Variants in MGLL observed in about 807,000 individuals in gnomAD.
The protein encoded by MGLL is monoglyceride lipase.
MGLL carries 7 observed loss-of-function variants against 29.1 expected under a neutral mutation model. That is an observed-to-expected ratio of 0.24 (90% confidence interval 0.14 to 0.45). The LOEUF (loss-of-function observed/expected upper bound fraction) is 0.45, where lower values mean the gene tolerates loss of function less well. Ranked by LOEUF, MGLL falls within the 20% of genes least tolerant of loss-of-function variation. The probability of loss-of-function intolerance (pLI) is 0.99; values close to 1 mark genes in which losing one functional copy is unlikely to be tolerated. For missense variants in MGLL, 356 were observed against 413.6 expected (o/e 0.86, Z 1.21); for synonymous variants, 148 against 168.3 (o/e 0.88, Z 0.93).
chr3:127,776,415 C>G (rs1418980115), intron 3 of MGLL, among the ~76,000 whole-genome samples: 1 of 152,122 alleles, frequency 6.6e-6, no homozygotes, highest in Admixed American at 6.5e-5. Flanking sequence ...TTTGACTCCC[C>G]AGTAATCCTG....
chr3:127,763,578 G>T (rs947829402), intron 3 of MGLL, among the ~76,000 whole-genome samples: 2 of 152,214 alleles, frequency 1.3e-5, no homozygotes, highest in African/African-American at 4.8e-5. Context: ...CAAGCAACCT[G>T]GGTGGGGACA....
intron 2 of MGLL, among the ~76,000 whole-genome samples, chr3:127,789,326 G>C (rs2077264283): frequency 6.6e-6 from 1 of 152,226 alleles, no homozygotes; most frequent in Admixed American, 6.5e-5. Flanking sequence ...CCCATCTACG[G>C]CTGGAAGGAA....
chr3:127,722,378 C>T (rs1351403043), intron 4 of MGLL, 52 bp downstream of exon 4: 3 of 1,612,842 alleles, frequency 1.9e-6, no homozygotes, highest in African/African-American at 1.3e-5. Flanking sequence ...CTTCCCCCTG[C>T]AAGGCTGGAA....
At chr3:127,770,197 A>T (rs2076926237) in intron 3 of MGLL, among the ~76,000 whole-genome samples, 1 of 151,788 alleles carries the variant, frequency 6.6e-6, no homozygotes, top group African/African-American at 2.4e-5. Flanking sequence ...TTTTTGTATT[A>T]TTTTTGTAGA....
chr3:127,772,953 G>T (rs2076973777), intron 3 of MGLL, among the ~76,000 whole-genome samples: 1 of 152,170 alleles, frequency 6.6e-6, no homozygotes, highest in South Asian at 2.1e-4. Context: ...CTTGACCTTG[G>T]ACTTCCCAGC....
intron 3 of MGLL, among the ~76,000 whole-genome samples, chr3:127,776,377 G>A (rs1576273990): frequency 6.6e-6 from 1 of 152,084 alleles, no homozygotes; most frequent in East Asian, 1.9e-4. Context: ...TGAGGGGTGG[G>A]GGAGGGGGAG....
intron 3 of MGLL, among the ~76,000 whole-genome samples, chr3:127,778,076 C>T (rs967523263): frequency 4.6e-5 from 7 of 152,290 alleles, no homozygotes; most frequent in Middle Eastern, 3.4e-3. Context: ...ACAACCGCGG[C>T]GCCTAGAGGT....
intron 2 of MGLL, among the ~76,000 whole-genome samples, chr3:127,798,734 C>T (rs928477155): frequency 6.6e-6 from 1 of 152,214 alleles, no homozygotes; most frequent in Non-Finnish European, 1.5e-5. Flanking sequence ...TACATCATCT[C>T]CCCGCACCTT....
chr3:127,768,619 C>T (rs1402047914), intron 3 of MGLL, among the ~76,000 whole-genome samples: 1 of 152,198 alleles, frequency 6.6e-6, no homozygotes, highest in African/African-American at 2.4e-5. Flanking sequence ...GAGTATTTCC[C>T]AAGAGTTCCA....
chr3:127,702,238 TG>T (rs1419044874), intron 6 of MGLL, among the ~76,000 whole-genome samples: 2 of 152,234 alleles, frequency 1.3e-5, no homozygotes, highest in African/African-American at 4.8e-5. Flanking sequence ...GGGCAACTCA[TG>T]GGGTGTCACA....
chr3:127,696,345 T>G (rs2075362291), intron 6 of MGLL, among the ~76,000 whole-genome samples: 2 of 150,448 alleles, frequency 1.3e-5, no homozygotes, highest in Admixed American at 6.6e-5. Context: ...GGGGAGAAGT[T>G]TCTAGGAATC....
At chr3:127,764,018 C>T (rs1385916706) in intron 3 of MGLL, among the ~76,000 whole-genome samples, 5 of 152,204 alleles carry the variant, frequency 3.3e-5, no homozygotes, top group African/African-American at 4.8e-5. Flanking sequence ...TCCAGCTTCT[C>T]GGAGCTTGCA....
At chr3:127,791,920 C>T (rs2077306787) in intron 2 of MGLL, among the ~76,000 whole-genome samples, 1 of 152,120 alleles carries the variant, frequency 6.6e-6, no homozygotes, top group Admixed American at 6.5e-5. Flanking sequence ...AAATACAAAA[C>T]AGCCGGGCAT....
chr3:127,754,831 C>T (rs777846062), intron 3 of MGLL, among the ~76,000 whole-genome samples: 11 of 152,276 alleles, frequency 7.2e-5, no homozygotes, highest in South Asian at 2.1e-4. Context: ...CAGAGAGGGG[C>T]GCGTGGGGTG....
chr3:127,739,489 T>C (rs2076298332), intron 3 of MGLL, among the ~76,000 whole-genome samples: 1 of 152,206 alleles, frequency 6.6e-6, no homozygotes, highest in Non-Finnish European at 1.5e-5. Flanking sequence ...ACGTGAACTG[T>C]ATGAACTGGC....
intron 3 of MGLL, among the ~76,000 whole-genome samples, chr3:127,728,971 T>G (rs111774348): frequency 3.3e-5 from 5 of 152,268 alleles, no homozygotes; most frequent in African/African-American, 1.2e-4. Context: ...CCATTACTTC[T>G]TTTTTGGTAA....
chr3:127,772,790 T>C (rs996620274), intron 3 of MGLL, among the ~76,000 whole-genome samples: 8 of 152,052 alleles, frequency 5.3e-5, no homozygotes, highest in Non-Finnish European at 8.8e-5. Context: ...TGATAGGTCA[T>C]GGGGGCAGAG....
chr3:127,748,659 G>T (rs2076499613), intron 3 of MGLL, among the ~76,000 whole-genome samples: 1 of 151,760 alleles, frequency 6.6e-6, no homozygotes, highest in African/African-American at 2.4e-5. Context: ...TACAAGCCAA[G>T]GAGAGAGGCC....
At chr3:127,727,595 C>T (rs1026302768) in intron 3 of MGLL, among the ~76,000 whole-genome samples, 1 of 151,004 alleles carries the variant, frequency 6.6e-6, no homozygotes, top group African/African-American at 2.4e-5. Context: ...ACCTGTAGTC[C>T]CAGCTAGTCA....
Sources: gnomAD v4.1 joint callset for allele counts (sites outside exome capture counted in the v4.1 genomes callset) on GRCh38, gnomAD v4.1.1 for gene constraint, MANE v1.5 for transcripts, NCBI Gene and HGNC (gene_info 2026-07-23, HGNC 2026-07-21) for gene names.